The following DOCK2 variants were observed in gnomAD, a reference collection of about 807,000 sequenced individuals.
The protein encoded by DOCK2 is dedicator of cytokinesis 2.
DOCK2 carries 87 observed loss-of-function variants against 248.9 expected under a neutral mutation model. The ratio of observed to expected loss-of-function variants is 0.35; its 90% confidence interval spans 0.29 to 0.42. The LOEUF (loss-of-function observed/expected upper bound fraction) is 0.42. DOCK2 is among the 10% of genes least tolerant of loss of function. The pLI is 1.00. For missense variants in DOCK2, 1,747 were observed against 2,300.2 expected (o/e 0.76, Z 4.92); for synonymous variants, 805 against 821.6 (o/e 0.98, Z 0.35).
At chr5:169,673,402 T>G (rs550675105) in intron 5 of DOCK2, among the ~76,000 whole-genome samples, 38 of 152,198 alleles carry the variant, frequency 2.5e-4, no homozygotes, top group African/African-American at 7.0e-4. Flanking sequence ...TATATATTTT[T>G]TTGTTGTTGT....
At chr5:169,867,729 AC>A (rs1208505907) in intron 27 of DOCK2, among the ~76,000 whole-genome samples, 2 of 152,118 alleles carry the variant, frequency 1.3e-5, no homozygotes, top group Non-Finnish European at 2.9e-5. Flanking sequence ...TATAATCATA[AC>A]ATCACAGTCT....
At chr5:170,067,721 C>T in intron 45 of DOCK2, 35 bp downstream of exon 45, 9 of 1,609,558 alleles carry the variant, frequency 5.6e-6, no homozygotes, top group South Asian at 2.2e-5. Flanking sequence ...TAGGGGAGCT[C>T]GGTGAGCAGA....
rs1409858955 is a variant in DOCK2 at position 169,695,800 on chromosome 5, C to A, written c.844-3C>A. The A allele has an allele frequency of 6.2e-7, 1 of 1,613,018 alleles. No homozygotes were observed. The highest frequency in any genetic ancestry group is 8.5e-7 in the Non-Finnish European group (1 of 1,179,740). ...GGTCAATTTTTTGTTTCTTTCCCCC[C>A]AGGATCTTGGAAACAAAGACCTCAA... On this transcript the variant is annotated splice_region_variant and splice_polypyrimidine_tract_variant and intron_variant, in intron 9 of 51. Transcript: ENST00000520908.
intron 22 of DOCK2, among the ~76,000 whole-genome samples, chr5:169,727,085 AAAAG>A (rs1202306735): frequency 4.0e-5 from 6 of 151,382 alleles, no homozygotes; most frequent in African/African-American, 9.8e-5. Context: ...AAAAAAAGAA[AAAAG>A]AAAGAAAGAA....
chr5:170,047,692 G>A (rs1756763748), intron 40 of DOCK2, 78 bp downstream of exon 40: 1 of 1,363,898 alleles, frequency 7.3e-7, no homozygotes, highest in Non-Finnish European at 1.0e-6. Context: ...ATGCTTTGAG[G>A]ATTTGCTTGT....
chr5:169,903,311 T>TTA (rs1774054345), intron 27 of DOCK2, among the ~76,000 whole-genome samples: 1 of 111,084 alleles, frequency 9.0e-6, no homozygotes, highest in Non-Finnish European at 1.8e-5. Context: ...ACAACAACAA[T>TTA]AAAAAAAAAA....
chr5:170,019,177 C>T, intron 33 of DOCK2, 69 bp downstream of exon 33: 2 of 1,603,428 alleles, frequency 1.2e-6, no homozygotes, highest in Non-Finnish European at 8.5e-7. Context: ...TAATGATATC[C>T]TCATTCCATC....
chr5:169,901,431 G>T (rs564820351), intron 27 of DOCK2, among the ~76,000 whole-genome samples: 2 of 152,266 alleles, frequency 1.3e-5, no homozygotes, highest in South Asian at 2.1e-4. Context: ...GTGTGTGTGT[G>T]TGGGCATGCA....
At chr5:169,697,050 C>A (rs1222191411) in intron 10 of DOCK2, among the ~76,000 whole-genome samples, 11 of 152,104 alleles carry the variant, frequency 7.2e-5, no homozygotes, top group Non-Finnish European at 1.5e-4. Context: ...AACCTTACTG[C>A]AAAGTGTGTC....
chr5:169,933,461 T>C (rs750428938), intron 27 of DOCK2, among the ~76,000 whole-genome samples: 15 of 152,206 alleles, frequency 9.9e-5, no homozygotes, highest in Non-Finnish European at 1.6e-4. Flanking sequence ...GGTAAATCAG[T>C]CATTATCCTG....
chr5:169,927,473 G>T (rs1269192864), intron 27 of DOCK2, among the ~76,000 whole-genome samples: 1 of 152,166 alleles, frequency 6.6e-6, no homozygotes, highest in African/African-American at 2.4e-5. Flanking sequence ...CTGCTGTAAG[G>T]CAGTGAGAAC....
intron 40 of DOCK2, among the ~76,000 whole-genome samples, chr5:170,048,281 A>C (rs1756786699): frequency 6.6e-6 from 1 of 152,036 alleles, no homozygotes. Flanking sequence ...AATCCCAGCT[A>C]TTTGGGGCCT....
At chr5:170,011,289 T>G (rs1156738811) in intron 32 of DOCK2, among the ~76,000 whole-genome samples, 2 of 152,164 alleles carry the variant, frequency 1.3e-5, no homozygotes, top group African/African-American at 4.8e-5. Context: ...CAATTCACTA[T>G]TTTACTAATG....
intron 25 of DOCK2, among the ~76,000 whole-genome samples, chr5:169,769,208 G>A (rs1764956142): frequency 6.6e-6 from 1 of 152,056 alleles, no homozygotes; most frequent in Non-Finnish European, 1.5e-5. Flanking sequence ...CAGTTTTTCT[G>A]ACTCAAAACA....
intron 27 of DOCK2, among the ~76,000 whole-genome samples, chr5:169,967,608 A>C (rs1217424957): frequency 6.6e-6 from 1 of 152,130 alleles, no homozygotes; most frequent in African/African-American, 2.4e-5. Flanking sequence ...GAGTAAGTGG[A>C]GTCTATTTTA....
intron 46 of DOCK2, among the ~76,000 whole-genome samples, chr5:170,074,070 G>T (rs1490039682): frequency 6.6e-6 from 1 of 151,992 alleles, no homozygotes; most frequent in Non-Finnish European, 1.5e-5. Context: ...TAAAACTAAA[G>T]CCATAAATGT....
intron 26 of DOCK2, among the ~76,000 whole-genome samples, chr5:169,827,293 AGCTGCAACCT>A (rs1261153167): frequency 1.3e-5 from 2 of 152,038 alleles, no homozygotes; most frequent in African/African-American, 4.8e-5. Context: ...GTTGGAGAGG[AGCTGCAACCT>A]GCTGTTTAGG....
chr5:169,669,392 T>A (rs1581005169), intron 3 of DOCK2, 64 bp downstream of exon 3: 1 of 1,561,970 alleles, frequency 6.4e-7, no homozygotes, highest in Non-Finnish European at 8.8e-7. Context: ...CGCTATCCCA[T>A]CTGAGCAGGT....
intron 27 of DOCK2, among the ~76,000 whole-genome samples, chr5:169,891,893 G>T (rs1224257268): frequency 1.3e-5 from 2 of 151,572 alleles, no homozygotes; most frequent in Non-Finnish European, 2.9e-5. Flanking sequence ...TACTTGGCAG[G>T]CTGAGGCAAA....
Sources: allele counts gnomAD v4.1 joint callset (sites outside exome capture counted in the v4.1 genomes callset), GRCh38; gene constraint gnomAD v4.1.1; transcripts MANE v1.5; gene names NCBI Gene and HGNC (gene_info 2026-07-23, HGNC 2026-07-21).